ZNF770: variants seen among roughly 807,000 people sequenced by gnomAD.
The protein encoded by ZNF770 is zinc finger protein 770.
Under a neutral mutation model 44.8 loss-of-function variants are expected in ZNF770, and 13 were observed. That is an observed-to-expected ratio of 0.29 (90% CI 0.19 to 0.46). ZNF770 has a LOEUF of 0.46. Ranked by LOEUF, ZNF770 falls within the 20% of genes least tolerant of loss-of-function variation. The pLI is 1.00. For missense variants in ZNF770, 681 were observed against 797.9 expected, an observed-to-expected ratio of 0.85 and a Z score of 1.77; for synonymous variants, 304 against 271.8, an observed-to-expected ratio of 1.12 and a Z score of -1.17.
At position 34,982,180 on chromosome 15, in the gene ZNF770, A is replaced by G; in HGVS notation, c.1255T>C (p.Leu419=). Residue 419 remains leucine (L), a synonymous_variant, in exon 3 of 3, where the codon TTG becomes CTG. Coordinates refer to ENST00000356321, the MANE Select transcript of ZNF770 (RefSeq NM_014106.4). ...PFSWQNMGKN[L]KGILTTENIL... is the part of the protein sequence containing the mutation. ...TTTTCTGTCGTAAGGATGCCTTTCA[A>G]ATTTTTTCCCATATTTTGCCAAGAA... The G allele has an allele frequency of 6.2e-7, 1 of 1,612,744 alleles. No individual in the cohort carries two copies. The highest frequency in any genetic ancestry group is 8.5e-7 in the Non-Finnish European group (1 of 1,179,716).
At chr15:34,986,416 G>A (rs772496576) in intron 2 of ZNF770, among the ~76,000 whole-genome samples, 16 of 152,098 alleles carry the variant, frequency 1.1e-4, no homozygotes, top group Non-Finnish European at 2.2e-4. Flanking sequence ...AGGTGAACAA[G>A]CTCCAAAGTC....
chr15:34,986,766 G>T (rs1311844980), intron 2 of ZNF770, among the ~76,000 whole-genome samples: 2 of 152,232 alleles, frequency 1.3e-5, no homozygotes, highest in Admixed American at 1.3e-4. Flanking sequence ...GAAGGTCTAG[G>T]AGTGAAAGAA....
chr15:34,988,138 C>T lies in ZNF770; in HGVS notation c.-196G>A, dbSNP rs1416409931. On this transcript the variant is annotated 5_prime_UTR_variant, in exon 1 of 3. Coordinates refer to ENST00000356321, the MANE Select transcript of ZNF770 (RefSeq NM_014106.4). Reference sequence around the variant, plus strand: ...CACCTTGGCGGTATTGAGGCAGGTCCGACCCTCCCTGGGGGTCGCTCCACT... The same window carrying T: ...CACCTTGGCGGTATTGAGGCAGGTCTGACCCTCCCTGGGGGTCGCTCCACT... The T allele has an allele frequency of 6.6e-6, 1 of 152,278 alleles. No individual in the cohort carries two copies. The highest frequency in any genetic ancestry group is 2.4e-5 in the African/African-American group (1 of 41,466). The allele number at this position is 152,278 out of a possible 1,614,324, so 9.4% of individuals were successfully genotyped here.
chr15:34,979,701 T>C lies in ZNF770; in HGVS notation c.*1658A>G, dbSNP rs1278879586. Reference sequence around the variant, plus strand: ...TCAAAAGAAAGTTCTCAGTTTATGATGCAAAACTTACAATTGTTCATTTAT... The same window carrying C: ...TCAAAAGAAAGTTCTCAGTTTATGACGCAAAACTTACAATTGTTCATTTAT... On this transcript the variant is annotated 3_prime_UTR_variant, in exon 3 of 3. Transcript: ENST00000356321. 2 of 448,116 alleles carry C rather than the reference T, an allele frequency of 4.5e-6. No homozygotes were observed. The highest frequency in any genetic ancestry group is 2.0e-5 in the African/African-American group (1 of 49,606). 27.8% of individuals were successfully genotyped at this position (448,116 alleles called of 1,614,324 possible).
chr15:34,984,862 G>A (rs2050424083), intron 2 of ZNF770, among the ~76,000 whole-genome samples: 1 of 152,084 alleles, frequency 6.6e-6, no homozygotes, highest in Non-Finnish European at 1.5e-5. Flanking sequence ...GCCCAGTGCA[G>A]TGGCTCACAC....
intron 2 of ZNF770, among the ~76,000 whole-genome samples, chr15:34,985,315 A>G (rs532089613): frequency 3.3e-5 from 5 of 152,246 alleles, no homozygotes; most frequent in Admixed American, 3.3e-4. Context: ...AATATAATGT[A>G]TCTTCTAGAT....
Position 34,981,875 on chromosome 15 carries a change from T to C in ZNF770, c.1560A>G (p.Arg520=). The C allele has an allele frequency of 6.2e-7, 1 of 1,614,028 alleles. No homozygotes were observed. The highest frequency in any genetic ancestry group is 1.1e-5 in the South Asian group (1 of 91,080). ...TCTTTTCATTATGAGTCTGTTCATGTCTTTTTAAGTGAGCTGACTGTCTAA... is the reference window on the plus strand; with the variant it reads ...TCTTTTCATTATGAGTCTGTTCATGCCTTTTTAAGTGAGCTGACTGTCTAA... ...KSFRQSAHLK[R]HEQTHNEKSP... is the part of the protein sequence containing the mutation. The change falls in exon 3 of 3, where the codon AGA becomes AGG. Residue 520 remains arginine (R), a synonymous_variant. Transcript: ENST00000356321.
At chr15:34,983,654 A>G (rs1198573541) in intron 2 of ZNF770, among the ~76,000 whole-genome samples, 164 bp from the exon 3 acceptor site, 3 of 152,192 alleles carry the variant, frequency 2.0e-5, no homozygotes, top group Non-Finnish European at 4.4e-5. Flanking sequence ...TAATAATACT[A>G]ATTTTATACA....
At chr15:34,985,051 T>C (rs2050425067) in intron 2 of ZNF770, among the ~76,000 whole-genome samples, 1 of 151,592 alleles carries the variant, frequency 6.6e-6, no homozygotes, top group Non-Finnish European at 1.5e-5. Context: ...CGATAATTGC[T>C]TGAACTGGGG....
At chr15:34,984,189 A>G (rs2050420635) in intron 2 of ZNF770, among the ~76,000 whole-genome samples, 1 of 152,226 alleles carries the variant, frequency 6.6e-6, no homozygotes, top group Non-Finnish European at 1.5e-5. Context: ...CTGTTGTCAA[A>G]AATCAATGGA....
In ZNF770 at chr15:34,980,620, T is replaced by C. The variant is rs1022874547; in HGVS notation, c.*739A>G. The C allele has an allele frequency of 2.0e-5, 3 of 152,010 alleles. No individual in the cohort carries two copies. Among genetic ancestry groups the C allele is most frequent in the African/African-American group, 4.8e-5 (2 of 41,348 alleles). 9.4% of individuals were successfully genotyped at this position (152,010 alleles called of 1,614,324 possible). A position where few individuals can be genotyped will look rare whatever the true frequency, so the allele number is the denominator to read the frequency against. On this transcript the variant is annotated 3_prime_UTR_variant, in exon 3 of 3. Coordinates refer to ENST00000356321, the MANE Select transcript of ZNF770 (RefSeq NM_014106.4). ...GGTGAACCCCCGTCTCTACTAAAAA[T>C]ACAAAAATTAGCCAGGCGTGATGGC...
intron 2 of ZNF770, among the ~76,000 whole-genome samples, chr15:34,984,489 C>A (rs1033268699): frequency 1.3e-5 from 2 of 151,828 alleles, no homozygotes; most frequent in African/African-American, 4.8e-5. Context: ...GAAACCCCGC[C>A]TCTAGTAATA....
At chr15:34,986,301 T>C (rs528363245) in intron 2 of ZNF770, among the ~76,000 whole-genome samples, 153 of 152,232 alleles carry the variant, frequency 1.0e-3, no homozygotes, top group Non-Finnish European at 1.8e-3. Context: ...TGTAAGCCAG[T>C]ATAGTAGTAA....
Position 34,982,270 on chromosome 15 carries a change from G to A in ZNF770, c.1165C>T (p.Leu389Phe). 1 of 1,613,820 alleles carries A rather than the reference G, an allele frequency of 6.2e-7. No individual in the cohort carries two copies. The highest frequency in any genetic ancestry group is 2.2e-5 in the East Asian group (1 of 44,864). Reference sequence around the variant, plus strand: ...GTTTTATATGTTCCATGTTTGCCAAGAGAACCCACAAATGTTCTCTGGGTT... The same window carrying A: ...GTTTTATATGTTCCATGTTTGCCAAAAGAACCCACAAATGTTCTCTGGGTT... ...EQTQRTFVGSLGKHGTYKTIG... is the reference protein window; with the variant it reads ...EQTQRTFVGSFGKHGTYKTIG... The change falls in exon 3 of 3, where the codon CTT becomes TTT. Residue 389 changes from leucine (L) to phenylalanine (F), a missense_variant. Leu to Phe is a conservative substitution (Grantham distance 22). Around this residue, in one of 5 missense-constraint regions of ZNF770, gnomAD observed 432 missense variants for 434.1 expected, o/e 1.00. Transcript: ENST00000356321.
Position 34,979,824 on chromosome 15 carries a change from C to A in ZNF770, c.*1535G>T, listed in dbSNP as rs2050389237. Reference sequence around the variant, plus strand: ...AGCTTAGAAACATAACGGTTCATTCCTTTTATTGCTAGAGAATGTCATTCC... The same window carrying A: ...AGCTTAGAAACATAACGGTTCATTCATTTTATTGCTAGAGAATGTCATTCC... On this transcript the variant is annotated 3_prime_UTR_variant, in exon 3 of 3. Coordinates refer to ENST00000356321, the MANE Select transcript of ZNF770 (RefSeq NM_014106.4). 3.2e-6 allele frequency: 1 copy of A among 316,794 alleles called. No individual in the cohort carries two copies. Among genetic ancestry groups the A allele is most frequent in the Non-Finnish European group, 6.3e-6 (1 of 158,198 alleles). 19.6% of individuals were successfully genotyped at this position (316,794 alleles called of 1,614,324 possible).
Position 34,982,513 on chromosome 15 carries a change from T to C in ZNF770, c.922A>G (p.Ile308Val), listed in dbSNP as rs2050409366. 4 of 1,614,030 alleles carry C rather than the reference T, an allele frequency of 2.5e-6. No individual in the cohort carries two copies. The highest frequency in any genetic ancestry group is 1.3e-5 in the African/African-American group (1 of 75,058). The stretch of plus-strand genomic sequence containing the variant: ...GCAAAACAGCTGTGTTCATTGAGAA[T>C]CTGCTCTGATTCAAAACACTTTTCA... ...KCEKCFESEQ[I>V]LNEHSCFAAR... The change falls in exon 3 of 3, where the codon ATT (isoleucine) becomes GTT (valine). Residue 308 changes from isoleucine to valine, a missense_variant. Physicochemically the swap from Ile to Val is conservative, Grantham distance 29. This residue lies in a region of ZNF770 where 432 missense variants were observed against 434.1 expected (regional missense o/e 1.00). Coordinates refer to ENST00000356321, the MANE Select transcript of ZNF770 (RefSeq NM_014106.4).
At chr15:34,987,449 T>C (rs1426438615) in intron 2 of ZNF770, 108 bp downstream of exon 2, 2 of 152,218 alleles carry the variant, frequency 1.3e-5, no homozygotes, top group African/African-American at 4.8e-5. Context: ...TTTCTTATCT[T>C]AAACTGAAAT....
Position 34,982,356 on chromosome 15 carries a change from A to G in ZNF770, c.1079T>C (p.Val360Ala). The G allele has an allele frequency of 1.9e-6, 3 of 1,607,470 alleles. No homozygotes were observed. The highest frequency in any genetic ancestry group is 1.1e-5 in the South Asian group (1 of 89,326). The change falls in exon 3 of 3, where the codon GTA (valine) becomes GCA (alanine). Residue 360 changes from valine (V) to alanine (A), a missense_variant. Transcript: ENST00000356321. ...ATTTCTCAAGAAACTCTTTTTAAAT[A>G]CTTTTTTCTCAGATTGAAAGTTATC... ...KLDNFQSEKKVFKKSFLRNCD... is the reference protein window; with the variant it reads ...KLDNFQSEKKAFKKSFLRNCD...
chr15:34,983,376 T>A lies in ZNF770; in HGVS notation c.59A>T (p.Lys20Ile). 1 of 1,601,042 alleles carries A rather than the reference T, an allele frequency of 6.2e-7. No homozygotes were observed. The highest frequency in any genetic ancestry group is 1.1e-5 in the South Asian group (1 of 88,772). The change falls in exon 3 of 3, where the codon AAA becomes ATA. Residue 20 changes from lysine to isoleucine, a missense_variant. Transcript: ENST00000356321. ...LKIQQCVVANKLPRNRPYVCN... is the reference protein window; with the variant it reads ...LKIQQCVVANILPRNRPYVCN... ...AACATATGGCCTGTTTCTAGGTAGTTTGTTGGCTACCACACACTGTTGAAT... is the reference window on the plus strand; with the variant it reads ...AACATATGGCCTGTTTCTAGGTAGTATGTTGGCTACCACACACTGTTGAAT...
Sources: allele counts gnomAD v4.1 joint callset (sites outside exome capture counted in the v4.1 genomes callset), GRCh38; gene constraint gnomAD v4.1.1; regional missense constraint gnomAD v4.1.1; transcripts MANE v1.5; gene names NCBI Gene and HGNC (gene_info 2026-07-23, HGNC 2026-07-21).